FAT3: variants seen among roughly 807,000 people sequenced by gnomAD.
The protein encoded by FAT3 is FAT atypical cadherin 3, also known as protocadherin Fat 3.
A neutral mutation model predicts 310.2 loss-of-function variants in FAT3; 95 were observed. That is an observed-to-expected ratio of 0.31 (90% confidence interval 0.26 to 0.36). The LOEUF (loss-of-function observed/expected upper bound fraction) is 0.36, where lower values mean the gene tolerates loss of function less well. Ranked by LOEUF, FAT3 falls within the 10% of genes least tolerant of loss-of-function variation. FAT3 has a pLI of 1.00. For missense variants in FAT3, 5,408 were observed against 5,715.6 expected (o/e 0.95, Z 1.74); for synonymous variants, 2,314 against 2,192.9 (o/e 1.06, Z -1.54).
At chr11:92,252,694 G>A (rs561692284) in intron 1 of FAT3, among the ~76,000 whole-genome samples, 2 of 152,248 alleles carry the variant, frequency 1.3e-5, no homozygotes, top group South Asian at 4.1e-4. Context: ...ACTTGCTGGT[G>A]TGAAAGCTGT....
chr11:92,341,681 C>T (rs931675815), intron 1 of FAT3, among the ~76,000 whole-genome samples: 4 of 152,100 alleles, frequency 2.6e-5, no homozygotes, highest in African/African-American at 9.7e-5. Context: ...TCTTCCCATG[C>T]TATAATTTCT....
intron 1 of FAT3, among the ~76,000 whole-genome samples, chr11:92,225,897 G>A (rs540322054): frequency 8.5e-5 from 13 of 152,254 alleles, no homozygotes; most frequent in African/African-American, 2.9e-4. Flanking sequence ...AATGCTTTGC[G>A]AGAGTGCATG....
At chr11:92,855,371 T>C (rs973183902) in intron 19 of FAT3, among the ~76,000 whole-genome samples, 2 of 152,204 alleles carry the variant, frequency 1.3e-5, no homozygotes, top group Non-Finnish European at 2.9e-5. Flanking sequence ...GAATTTTTCC[T>C]CCTCTGGTCC....
intron 2 of FAT3, among the ~76,000 whole-genome samples, chr11:92,359,830 T>G (rs1367286890): frequency 7.0e-6 from 1 of 142,804 alleles, no homozygotes; most frequent in Non-Finnish European, 1.5e-5. Context: ...TATGGCTGCA[T>G]AGTATTCCAT....
intron 2 of FAT3, among the ~76,000 whole-genome samples, chr11:92,409,114 G>A (rs1466206354): frequency 3.3e-5 from 5 of 152,142 alleles, no homozygotes; most frequent in Middle Eastern, 3.4e-3. Flanking sequence ...CTTTCTTCTC[G>A]TGATATTTAA....
intron 4 of FAT3, among the ~76,000 whole-genome samples, chr11:92,742,587 A>G (rs1261149196): frequency 6.6e-6 from 1 of 152,190 alleles, no homozygotes; most frequent in African/African-American, 2.4e-5. Context: ...GCCTTCGTGG[A>G]TGGATTGAAG....
chr11:92,367,266 A>G (rs1384036284), intron 2 of FAT3: 1 of 262,414 alleles, frequency 3.8e-6, no homozygotes, highest in Non-Finnish European at 7.6e-6. Context: ...CTGTCTGGGC[A>G]TGTGGTGCCA....
intron 2 of FAT3, among the ~76,000 whole-genome samples, chr11:92,384,742 A>C (rs1949579442): frequency 6.6e-6 from 1 of 152,246 alleles, no homozygotes; most frequent in Non-Finnish European, 1.5e-5. Flanking sequence ...GAGACTAATC[A>C]GTGCAGTGGA....
Position 92,883,414 on chromosome 11 carries a change from C to T in FAT3, c.12937+21C>T, listed in dbSNP as rs779241004. On this transcript the variant is annotated intron_variant, in intron 24 of 27. Transcript: ENST00000525166. This position sits in a 1 kb window ranked among gnomAD's most constrained non-coding sequence, Gnocchi z 4.2. ...TGAGAGTGAGTAGGAAGTGGTAATG[C>T]TCACCCCTCGGTGCTTACAGGGAAC... The T allele has an allele frequency of 6.3e-7, 1 of 1,580,002 alleles. No individual in the cohort carries two copies. Among genetic ancestry groups the T allele is most frequent in the Non-Finnish European group, 8.6e-7 (1 of 1,161,308 alleles).
chr11:92,467,351 T>G (rs925108934), intron 2 of FAT3, among the ~76,000 whole-genome samples: 1 of 152,212 alleles, frequency 6.6e-6, no homozygotes, highest in Non-Finnish European at 1.5e-5. Flanking sequence ...TTTTTTCATG[T>G]GTTTTTTGGC....
At chr11:92,823,790 C>A (rs1309269699) in intron 13 of FAT3, among the ~76,000 whole-genome samples, 1 of 152,106 alleles carries the variant, frequency 6.6e-6, no homozygotes, top group Non-Finnish European at 1.5e-5. Flanking sequence ...AGTCATCACC[C>A]AATGAAGAAC....
At chr11:92,502,980 C>T (rs1223289651) in intron 2 of FAT3, among the ~76,000 whole-genome samples, 1 of 152,106 alleles carries the variant, frequency 6.6e-6, no homozygotes, top group Non-Finnish European at 1.5e-5. Context: ...GTGAAGTAAA[C>T]ACTCAAAGGT....
In FAT3 at chr11:92,803,129, A is replaced by G. The variant is rs556079457; in HGVS notation, c.8896+1220A>G. ...TAATTCATTTGCATTTATTTTCAGG[A>G]AAAAAAAAGCTTCTTAGGCATTCTG... On this transcript the variant is annotated intron_variant, in intron 10 of 27. Transcript: ENST00000525166. 6.5e-3 allele frequency among the ~76,000 whole-genome samples: 460 copies of G among 70,764 alleles called. 3 individuals are homozygous for G. The highest frequency in any genetic ancestry group is 0.023 in the African/African-American group (436 of 19,180). The allele number at this position is 70,764 out of a possible 152,430, so 46.4% of individuals were successfully genotyped here. A position where few individuals can be genotyped will look rare whatever the true frequency, so the allele number is the denominator to read the frequency against.
intron 3 of FAT3, among the ~76,000 whole-genome samples, chr11:92,694,790 T>G (rs1412866673): frequency 6.6e-6 from 1 of 152,134 alleles, no homozygotes; most frequent in Non-Finnish European, 1.5e-5. Flanking sequence ...ATAACAAGCA[T>G]GTCTCATTCC....
chr11:92,690,623 T>C (rs941006326), intron 3 of FAT3, among the ~76,000 whole-genome samples: 3 of 152,186 alleles, frequency 2.0e-5, no homozygotes, highest in African/African-American at 7.2e-5. Flanking sequence ...TATCATCCAG[T>C]CTGAAAATAC....
intron 1 of FAT3, among the ~76,000 whole-genome samples, chr11:92,264,375 C>T (rs554624204): frequency 6.6e-6 from 1 of 152,070 alleles, no homozygotes; most frequent in Admixed American, 6.6e-5. Flanking sequence ...AGAAGAGATA[C>T]AAAATAGTTA....
At chr11:92,616,414 G>T (rs1940808540) in intron 3 of FAT3, among the ~76,000 whole-genome samples, 1 of 152,100 alleles carries the variant, frequency 6.6e-6, no homozygotes, top group South Asian at 2.1e-4. Context: ...ACACTGATGG[G>T]TCTTGACTCT....
At chr11:92,420,227 C>A (rs1288297521) in intron 2 of FAT3, among the ~76,000 whole-genome samples, 2 of 152,114 alleles carry the variant, frequency 1.3e-5, no homozygotes, top group Admixed American at 1.3e-4. Context: ...CTGACTTCTG[C>A]CTTAGAATTT....
intron 1 of FAT3, among the ~76,000 whole-genome samples, chr11:92,262,291 C>T (rs1457362545): frequency 6.6e-6 from 1 of 152,116 alleles, no homozygotes; most frequent in Non-Finnish European, 1.5e-5. Context: ...ATCTTTCCTT[C>T]TCATATGTTT....
Sources: gnomAD v4.1 joint callset for allele counts (sites outside exome capture counted in the v4.1 genomes callset) on GRCh38, gnomAD v4.1.1 for gene constraint, Gnocchi (gnomAD v3.1) non-coding constraint, MANE v1.5 for transcripts, NCBI Gene and HGNC (gene_info 2026-07-23, HGNC 2026-07-21) for gene names.